RERE: variants seen among roughly 807,000 people sequenced by gnomAD.
RERE encodes the protein arginine-glutamic acid dipeptide repeats.
In RERE, 40 loss-of-function variants were observed where a neutral mutation model predicts 146.1. That is an observed-to-expected ratio of 0.27 (90% CI 0.21 to 0.36). The LOEUF is 0.36. RERE is among the 10% of genes least tolerant of loss of function. The probability of loss-of-function intolerance (pLI) is 1.00; values close to 1 mark genes in which losing one functional copy is unlikely to be tolerated. For missense variants in RERE, 1,933 were observed against 2,138.7 expected (o/e 0.90, Z 1.90); for synonymous variants, 1,003 against 866.0 (o/e 1.16, Z -2.78).
At chr1:8,788,465 A>T (rs943956601) in intron 1 of RERE, among the ~76,000 whole-genome samples, 2 of 151,728 alleles carry the variant, frequency 1.3e-5, no homozygotes, top group Admixed American at 6.6e-5. Context: ...CCCAAGTTCA[A>T]GCGATTCTCC....
chr1:8,370,546 G>A (rs567114901), intron 12 of RERE, among the ~76,000 whole-genome samples: 18 of 152,284 alleles, frequency 1.2e-4, no homozygotes, highest in East Asian at 1.2e-3. Flanking sequence ...AATCCAGGCC[G>A]GGTTTTATTA....
At chr1:8,403,552 G>A (rs1195979706) in intron 12 of RERE, among the ~76,000 whole-genome samples, 1 of 151,206 alleles carries the variant, frequency 6.6e-6, no homozygotes, top group East Asian at 1.9e-4. Flanking sequence ...TTTTAGTAGA[G>A]GCAGGGTTTC....
chr1:8,358,052 G>C (rs575114145), intron 20 of RERE, 144 bp downstream of exon 20: 1 of 1,399,814 alleles, frequency 7.1e-7, no homozygotes, highest in Non-Finnish European at 9.5e-7. Flanking sequence ...GACGGTAGTG[G>C]ATGCTGAGCT....
intron 10 of RERE, among the ~76,000 whole-genome samples, chr1:8,469,492 G>A (rs991197996): frequency 7.9e-5 from 12 of 152,082 alleles, no homozygotes; most frequent in African/African-American, 2.9e-4. Flanking sequence ...AGTGGCAGGG[G>A]CCTATAATCC....
At chr1:8,546,890 TA>T (rs1645869513) in intron 6 of RERE, among the ~76,000 whole-genome samples, 1 of 150,158 alleles carries the variant, frequency 6.7e-6, no homozygotes, top group Non-Finnish European at 1.5e-5. Context: ...ATTATTAGCT[TA>T]GGGGGAAAAA....
chr1:8,357,057 T>C (rs1008033502), intron 20 of RERE, among the ~76,000 whole-genome samples: 22 of 152,050 alleles, frequency 1.4e-4, no homozygotes, highest in African/African-American at 5.3e-4. Flanking sequence ...TGCGCCCAGC[T>C]CTCCTGATCC....
At chr1:8,710,797 G>A (rs898031550) in intron 1 of RERE, among the ~76,000 whole-genome samples, 3 of 152,130 alleles carry the variant, frequency 2.0e-5, no homozygotes, top group African/African-American at 2.4e-5. Flanking sequence ...TTACAGGCGT[G>A]AGCCACCGTG....
chr1:8,697,799 C>T (rs1242735993), intron 1 of RERE, among the ~76,000 whole-genome samples: 8 of 152,126 alleles, frequency 5.3e-5, no homozygotes, highest in Non-Finnish European at 1.2e-4. Flanking sequence ...ACAGTAGTGT[C>T]TGTGGCCAAA....
chr1:8,591,095 T>G (rs911470266), intron 4 of RERE, among the ~76,000 whole-genome samples: 1 of 152,162 alleles, frequency 6.6e-6, no homozygotes, highest in African/African-American at 2.4e-5. Flanking sequence ...CTCTTCCAAC[T>G]GAGACTCTGA....
intron 1 of RERE, among the ~76,000 whole-genome samples, chr1:8,714,454 T>C (rs1639724494): frequency 6.6e-6 from 1 of 152,224 alleles, no homozygotes; most frequent in South Asian, 2.1e-4. Flanking sequence ...CCTACAGTTC[T>C]ATACCCGGCC....
intron 1 of RERE, among the ~76,000 whole-genome samples, chr1:8,694,123 G>T (rs757355708): frequency 4.0e-5 from 6 of 150,410 alleles, no homozygotes; most frequent in Non-Finnish European, 7.4e-5. Context: ...GGAAGTGCTA[G>T]CCAGAGCAAT....
At chr1:8,546,095 T>C (rs1225323019) in intron 6 of RERE, among the ~76,000 whole-genome samples, 1 of 146,052 alleles carries the variant, frequency 6.8e-6, no homozygotes, top group South Asian at 2.2e-4. Context: ...GCTCACGTGA[T>C]TCTTCCAGCT....
At chr1:8,553,306 C>CGGCA (rs1645961832) in intron 6 of RERE, among the ~76,000 whole-genome samples, 1 of 151,576 alleles carries the variant, frequency 6.6e-6, no homozygotes, top group African/African-American at 2.4e-5. Context: ...ACTACTAGGC[C>CGGCA]GGCACGTCCA....
At chr1:8,776,372 G>A (rs552852412) in intron 1 of RERE, among the ~76,000 whole-genome samples, 3 of 151,910 alleles carry the variant, frequency 2.0e-5, no homozygotes, top group Non-Finnish European at 2.9e-5. Context: ...ATACTGGCTC[G>A]TTGCAACCTC....
Position 8,360,523 on chromosome 1 carries a change from T to C in RERE, c.2984A>G (p.Gln995Arg). 9.3e-7 allele frequency: 1 copy of C among 1,075,058 alleles called. No homozygotes were observed. Among genetic ancestry groups the C allele is most frequent in the Non-Finnish European group, 1.2e-6 (1 of 855,114 alleles). The allele number at this position is 1,075,058 out of a possible 1,614,324, so 66.6% of individuals were successfully genotyped here. A position where few individuals can be genotyped will look rare whatever the true frequency, so the allele number is the denominator to read the frequency against. Residue 995 changes from glutamine to arginine, a missense_variant, in exon 18 of 23, where the codon CAG (glutamine) becomes CGG (arginine). Coordinates refer to ENST00000400908, the MANE Select transcript of RERE (RefSeq NM_001042681.2). ...PPPLQLMPQS[Q>R]PLPSSPAQPP... ...CTGGGCGGGCGAGGAGGGCAATGGCTGGCTCTGAGGCATGAGTTGCAGGGG... is the reference window on the plus strand; with the variant it reads ...CTGGGCGGGCGAGGAGGGCAATGGCCGGCTCTGAGGCATGAGTTGCAGGGG...
chr1:8,787,554 C>T (rs545411363), intron 1 of RERE, among the ~76,000 whole-genome samples: 20 of 152,236 alleles, frequency 1.3e-4, no homozygotes, highest in African/African-American at 4.8e-4. Flanking sequence ...TTTGGCCAGG[C>T]ACAGTGGCTC....
intron 1 of RERE, among the ~76,000 whole-genome samples, chr1:8,730,634 C>A (rs576201980): frequency 6.6e-6 from 1 of 152,152 alleles, no homozygotes; most frequent in African/African-American, 2.4e-5. Flanking sequence ...TGAGCCACTA[C>A]GCCCAGTCTG....
chr1:8,548,614 G>GT (rs1335446424), intron 6 of RERE, among the ~76,000 whole-genome samples: 11 of 152,176 alleles, frequency 7.2e-5, no homozygotes, highest in East Asian at 1.9e-4. Flanking sequence ...ACAAAAACAA[G>GT]TAAGTATATT....
chr1:8,354,506 ATAG>A lies in RERE; in HGVS notation c.*578_*580del, dbSNP rs1357843231. Reference sequence around the variant, plus strand: ...ACATGGCTGGAAAAAATAGATCACAATAGTAGTTTATGGAAGAAAAAAAGGCTG... The same window carrying A: ...ACATGGCTGGAAAAAATAGATCACAATAGTTTATGGAAGAAAAAAAGGCTG... On this transcript the variant is annotated 3_prime_UTR_variant, in exon 23 of 23. Coordinates refer to ENST00000400908, the MANE Select transcript of RERE (RefSeq NM_001042681.2). 1.3e-5 allele frequency: 2 copies of A among 152,286 alleles called. No homozygotes were observed. The highest frequency in any genetic ancestry group is 4.8e-5 in the African/African-American group (2 of 41,454). 9.4% of individuals were successfully genotyped at this position (152,286 alleles called of 1,614,324 possible).
Sources: allele counts gnomAD v4.1 joint callset (sites outside exome capture counted in the v4.1 genomes callset), GRCh38; gene constraint gnomAD v4.1.1; transcripts MANE v1.5; gene names NCBI Gene and HGNC (gene_info 2026-07-23, HGNC 2026-07-21).